The following ELMO1 variants were observed in gnomAD, a reference collection of about 807,000 sequenced individuals.
ELMO1 encodes the protein engulfment and cell motility 1.
In ELMO1, 26 loss-of-function variants were observed where a neutral mutation model predicts 98.9. That is an observed-to-expected ratio of 0.26 (90% confidence interval 0.19 to 0.36). The LOEUF (loss-of-function observed/expected upper bound fraction) is 0.36, where lower values mean the gene tolerates loss of function less well. ELMO1 is among the 10% of genes least tolerant of loss of function. ELMO1 has a pLI of 1.00. For synonymous variants in ELMO1, 346 were observed against 346.0 expected (o/e 1.00, Z 0.00); for missense variants, 627 against 935.2 (o/e 0.67, Z 4.30).
chr7:37,036,417 T>C (rs947567856), intron 15 of ELMO1, among the ~76,000 whole-genome samples: 10 of 152,190 alleles, frequency 6.6e-5, no homozygotes, highest in Non-Finnish European at 1.0e-4. Flanking sequence ...GTCACCCAGG[T>C]TGGAGTGCAA....
At chr7:37,346,042 G>A (rs1049607872) in intron 1 of ELMO1, among the ~76,000 whole-genome samples, 6 of 151,240 alleles carry the variant, frequency 4.0e-5, no homozygotes, top group African/African-American at 9.7e-5. Flanking sequence ...CCCTGTGGAC[G>A]TCTGGAGAAA....
chr7:36,878,878 G>A (rs1028387958), intron 18 of ELMO1, among the ~76,000 whole-genome samples: 2 of 152,186 alleles, frequency 1.3e-5, no homozygotes, highest in Admixed American at 6.5e-5. Context: ...GAAGAAAGAG[G>A]CAAAGAGCAC....
At chr7:36,992,106 A>G (rs530352921) in intron 16 of ELMO1, among the ~76,000 whole-genome samples, 2 of 152,366 alleles carry the variant, frequency 1.3e-5, no homozygotes, top group East Asian at 3.9e-4. Flanking sequence ...TATTACCCAC[A>G]AAATGCCTAA....
chr7:37,044,284 G>A (rs2129198155), intron 15 of ELMO1, among the ~76,000 whole-genome samples: 1 of 152,282 alleles, frequency 6.6e-6, no homozygotes, highest in African/African-American at 2.4e-5. Flanking sequence ...AAGACTCAGA[G>A]CAGCCAACCC....
intron 11 of ELMO1, among the ~76,000 whole-genome samples, chr7:37,215,201 C>T (rs534751513): frequency 6.6e-6 from 1 of 152,214 alleles, no homozygotes; most frequent in African/African-American, 2.4e-5. Context: ...TACACTCATA[C>T]ATTTCTTGTC....
At chr7:37,028,891 A>G (rs569274168) in intron 15 of ELMO1, among the ~76,000 whole-genome samples, 3 of 152,228 alleles carry the variant, frequency 2.0e-5, no homozygotes, top group Non-Finnish European at 4.4e-5. Flanking sequence ...TAATCAGACC[A>G]ATTTATTTCT....
rs189526750 is a variant in ELMO1, at chr7:37,383,275, T to G, written c.-73-40512A>C. On this transcript the variant is annotated intron_variant, in intron 1 of 21. Transcript: ENST00000310758. The stretch of plus-strand genomic sequence containing the variant: ...TCCTTTAGTTTGGGATAGTTCTTCA[T>G]TCTTTCTTTGCCTTTCATGACGCTG... Among the ~76,000 whole-genome samples, 12 of 152,354 alleles carry G rather than the reference T, an allele frequency of 7.9e-5. No individual in the cohort carries two copies. In the East Asian group the frequency reaches 2.3e-3, roughly 29 times the overall value.
At chr7:37,407,415 G>C (rs1013045443) in intron 1 of ELMO1, among the ~76,000 whole-genome samples, 1 of 151,820 alleles carries the variant, frequency 6.6e-6, no homozygotes, top group Non-Finnish European at 1.5e-5. Context: ...GGCTGAGGCA[G>C]GAGAATCACT....
At chr7:37,331,897 G>A (rs1226318799) in intron 2 of ELMO1, among the ~76,000 whole-genome samples, 1 of 99,046 alleles carries the variant, frequency 1.0e-5, no homozygotes, top group Non-Finnish European at 2.0e-5. Flanking sequence ...TGGGTTTGAG[G>A]TGGGAGGAAC....
intron 15 of ELMO1, among the ~76,000 whole-genome samples, chr7:37,036,651 T>C (rs1166332098): frequency 6.6e-6 from 1 of 152,122 alleles, no homozygotes. Context: ...AGTGCTGGGA[T>C]TACAGGCATG....
At chr7:37,062,410 C>T (rs1454016519) in intron 15 of ELMO1, among the ~76,000 whole-genome samples, 1 of 152,168 alleles carries the variant, frequency 6.6e-6, no homozygotes, top group East Asian at 1.9e-4. Context: ...TCTGGGATGT[C>T]AGAAAGCCTG....
At chr7:37,035,755 T>C (rs575207814) in intron 15 of ELMO1, among the ~76,000 whole-genome samples, 4 of 152,346 alleles carry the variant, frequency 2.6e-5, no homozygotes, top group Admixed American at 2.0e-4. Flanking sequence ...AAGAGAACTA[T>C]GAGAGATCAT....
At chr7:37,347,532 CT>C (rs1801064986) in intron 1 of ELMO1, among the ~76,000 whole-genome samples, 2 of 151,860 alleles carry the variant, frequency 1.3e-5, no homozygotes, top group Non-Finnish European at 2.9e-5. Context: ...TATTCTTATT[CT>C]TATTCTTATA....
intron 2 of ELMO1, among the ~76,000 whole-genome samples, chr7:37,334,499 T>C (rs1053389169): frequency 6.6e-6 from 1 of 152,200 alleles, no homozygotes; most frequent in Non-Finnish European, 1.5e-5. Context: ...TATACAGTGC[T>C]GGATTCAAAT....
At chr7:37,002,439 G>C (rs1213568267) in intron 16 of ELMO1, among the ~76,000 whole-genome samples, 1 of 152,236 alleles carries the variant, frequency 6.6e-6, no homozygotes, top group Non-Finnish European at 1.5e-5. Context: ...ATTGGGGTGA[G>C]AGAAGAGGAA....
chr7:37,216,227 C>G (rs1054297), intron 11 of ELMO1, among the ~76,000 whole-genome samples: 42,330 of 151,178 alleles, frequency 0.28, 6,556 homozygotes, highest in African/African-American at 0.41. Context: ...CTCTTGCATG[C>G]GGGCCCCCAA....
rs12668541 is a variant in ELMO1, at chr7:36,923,434, C to A, written c.1438-28417G>T. Among the ~76,000 whole-genome samples, 581 of 152,230 alleles carry A rather than the reference C, an allele frequency of 3.8e-3. 16 individuals carry two copies. In the East Asian group the frequency reaches 0.079, roughly 21 times the overall value. ...GGAAGCTATGACCATTGAAAGCCTA[C>A]AAGGAAGAAAATAATGATAAAAACC... On this transcript the variant is annotated intron_variant, in intron 16 of 21. Coordinates refer to ENST00000310758, the MANE Select transcript of ELMO1 (RefSeq NM_014800.11).
Position 37,213,424 on chromosome 7 carries a change from C to A in ELMO1, c.865G>T (p.Glu289Ter). The A allele has an allele frequency of 6.2e-7, 1 of 1,612,338 alleles. No homozygotes were observed. The highest frequency in any genetic ancestry group is 8.5e-7 in the Non-Finnish European group (1 of 1,179,668). ...VIRAQRAINN[E>*]MAHQLYVLQV... is the part of the protein sequence containing the mutation. ...AGAACATACAGCTGGTGCGCCATCT[C>A]ATTGTTGATGGCCCGCTGGGCTCGG... The change falls in exon 12 of 22, where the codon GAG becomes TAG. Residue 289 changes from glutamate to a stop codon, truncating the protein, a stop_gained. Coordinates refer to ENST00000310758, the MANE Select transcript of ELMO1 (RefSeq NM_014800.11). LOFTEE classifies it high-confidence loss of function.
chr7:37,111,488 C>T (rs1205513556), intron 14 of ELMO1, among the ~76,000 whole-genome samples: 1 of 152,176 alleles, frequency 6.6e-6, no homozygotes, highest in Non-Finnish European at 1.5e-5. Context: ...CCAGCAAATG[C>T]TGCAATACTA....
Sources: allele counts gnomAD v4.1 joint callset (sites outside exome capture counted in the v4.1 genomes callset), GRCh38; gene constraint gnomAD v4.1.1; transcripts MANE v1.5; gene names NCBI Gene and HGNC (gene_info 2026-07-23, HGNC 2026-07-21).